The following PPARGC1A variants were observed in gnomAD, a reference collection of about 807,000 sequenced individuals.
The protein encoded by PPARGC1A is peroxisome proliferator-activated receptor gamma coactivator 1-alpha.
A neutral mutation model predicts 88.7 loss-of-function variants in PPARGC1A; 25 were observed. That is an observed-to-expected ratio of 0.28 (90% CI 0.21 to 0.39). The LOEUF (loss-of-function observed/expected upper bound fraction) is 0.39, where lower values mean the gene tolerates loss of function less well. Ranked by LOEUF, PPARGC1A falls within the 10% of genes least tolerant of loss-of-function variation. The pLI is 1.00. For missense variants in PPARGC1A, 880 were observed against 968.7 expected (o/e 0.91, Z 1.22); for synonymous variants, 363 against 355.6 (o/e 1.02, Z -0.24).
the PPARGC1A span, among the ~76,000 whole-genome samples, chr4:24,286,573 G>A: frequency 6.6e-6 from 1 of 152,146 alleles, no homozygotes; most frequent in Non-Finnish European, 1.5e-5. Context: ...CCAAGCCCAA[G>A]GACCAGCCAA....
chr4:24,153,337 C>G, the PPARGC1A span, among the ~76,000 whole-genome samples: 1 of 151,672 alleles, frequency 6.6e-6, no homozygotes, highest in Non-Finnish European at 1.5e-5. Flanking sequence ...GAAAACATCT[C>G]AAAAAAATGG....
At chr4:23,895,972 GTGTGTGTGTATATATA>G (rs1355358591) in intron 1 of PPARGC1A, among the ~76,000 whole-genome samples, 125 of 54,518 alleles carry the variant, frequency 2.3e-3, no homozygotes, top group African/African-American at 9.3e-3. Context: ...GTGTGTGTGT[GTGTGTGTGTATATATA>G]TATACACACA....
chr4:24,141,497 T>C, the PPARGC1A span, among the ~76,000 whole-genome samples: 3 of 152,236 alleles, frequency 2.0e-5, no homozygotes, highest in East Asian at 5.8e-4. Flanking sequence ...GACTAATGAG[T>C]AGGGACTACA....
chr4:24,115,053 T>C, the PPARGC1A span, among the ~76,000 whole-genome samples: 1 of 152,178 alleles, frequency 6.6e-6, no homozygotes, highest in Non-Finnish European at 1.5e-5. Flanking sequence ...CGGTAATGCA[T>C]TTTTGAATCC....
At chr4:23,845,176 CTGCTGT>C (rs1201705677) in intron 2 of PPARGC1A, among the ~76,000 whole-genome samples, 1 of 151,996 alleles carries the variant, frequency 6.6e-6, no homozygotes, top group Non-Finnish European at 1.5e-5. Context: ...TCACAAAGCT[CTGCTGT>C]TACAAATTAG....
upstream of PPARGC1A, among the ~76,000 whole-genome samples, chr4:23,894,078 T>C (rs1253731913): frequency 6.6e-6 from 1 of 152,146 alleles, no homozygotes; most frequent in Admixed American, 6.5e-5. Flanking sequence ...TAAAGTTTCA[T>C]CCATAAGAAT....
chr4:24,295,734 T>TTA, the PPARGC1A span, among the ~76,000 whole-genome samples: 1 of 149,916 alleles, frequency 6.7e-6, no homozygotes, highest in African/African-American at 2.4e-5. Context: ...ATATGCTACA[T>TTA]TATATATATT....
chr4:24,084,008 A>G, the PPARGC1A span, among the ~76,000 whole-genome samples: 308 of 152,310 alleles, frequency 2.0e-3, no homozygotes, highest in African/African-American at 7.1e-3. Flanking sequence ...TTTGCCCATG[A>G]GGGAGCTGAG....
the PPARGC1A span, among the ~76,000 whole-genome samples, chr4:24,008,478 A>C: frequency 6.6e-6 from 1 of 152,194 alleles, no homozygotes; most frequent in South Asian, 2.1e-4. Flanking sequence ...CAACTAATAA[A>C]GTCTCAGTGT....
At chr4:23,890,048 G>A (rs187346390), upstream of PPARGC1A, 13 of 1,578,866 alleles carry the variant, frequency 8.2e-6, no homozygotes, top group East Asian at 1.1e-4. Context: ...GCCCCTTACT[G>A]AGAGTGAACT....
the PPARGC1A span, among the ~76,000 whole-genome samples, chr4:24,427,471 G>A: frequency 1.3e-5 from 2 of 151,836 alleles, no homozygotes; most frequent in Non-Finnish European, 2.9e-5. Context: ...GGTAGAGAGG[G>A]GTTCCACCAT....
chr4:23,930,018 C>G, the PPARGC1A span, among the ~76,000 whole-genome samples: 1 of 152,068 alleles, frequency 6.6e-6, no homozygotes, highest in Admixed American at 6.5e-5. Flanking sequence ...GATTTGCAGA[C>G]TCTGTTTTTT....
the PPARGC1A span, among the ~76,000 whole-genome samples, chr4:24,227,826 A>T: frequency 7.2e-5 from 11 of 152,340 alleles, no homozygotes; most frequent in African/African-American, 2.4e-4. Flanking sequence ...GAGAGCACTG[A>T]GCACCCGAAT....
At chr4:24,190,029 G>T in the PPARGC1A span, among the ~76,000 whole-genome samples, 1 of 152,148 alleles carries the variant, frequency 6.6e-6, no homozygotes, top group Non-Finnish European at 1.5e-5. Flanking sequence ...TACTAAGGAG[G>T]TTATCTCCCA....
the PPARGC1A span, among the ~76,000 whole-genome samples, chr4:24,315,201 T>C: frequency 6.0e-4 from 92 of 152,096 alleles, no homozygotes; most frequent in Non-Finnish European, 6.9e-4. Flanking sequence ...TTCTAAACAA[T>C]GACAGCTTCC....
At chr4:23,921,531 C>T in the PPARGC1A span, among the ~76,000 whole-genome samples, 1 of 152,174 alleles carries the variant, frequency 6.6e-6, no homozygotes. Context: ...TCATGTAAAG[C>T]CCCCAGGCAC....
chr4:24,268,720 T>C, the PPARGC1A span, among the ~76,000 whole-genome samples: 1 of 152,236 alleles, frequency 6.6e-6, no homozygotes, highest in Admixed American at 6.5e-5. Context: ...AAGATGCAAA[T>C]TTCTTCACTA....
At chr4:23,807,735 T>TTGTGTGTGTGTGTG (rs578197512) in intron 10 of PPARGC1A, among the ~76,000 whole-genome samples, 8 of 150,044 alleles carry the variant, frequency 5.3e-5, no homozygotes, top group Admixed American at 1.3e-4. Context: ...TTTTTTTCTT[T>TTGTGTGTGTGTGTG]TGTGTGTGTG....
the PPARGC1A span, among the ~76,000 whole-genome samples, chr4:24,179,085 C>G: frequency 6.6e-6 from 1 of 152,126 alleles, no homozygotes; most frequent in African/African-American, 2.4e-5. Flanking sequence ...CTTCACATCT[C>G]TTTATGAGTT....
Sources: allele counts gnomAD v4.1 joint callset (sites outside exome capture counted in the v4.1 genomes callset), GRCh38; gene constraint gnomAD v4.1.1; transcripts MANE v1.5; gene names NCBI Gene and HGNC (gene_info 2026-07-23, HGNC 2026-07-21).